Variants in DPP6 observed in about 807,000 individuals in gnomAD.
DPP6 encodes dipeptidyl peptidase like 6, also known as A-type potassium channel modulatory protein DPP6.
A neutral mutation model predicts 122.6 loss-of-function variants in DPP6; 69 were observed. The ratio of observed to expected loss-of-function variants is 0.56; its 90% CI spans 0.46 to 0.69. The LOEUF is 0.69. Among genes scored for constraint, DPP6 ranks in the 30% least tolerant of loss-of-function variants. DPP6 has a pLI of 0.00. For missense variants in DPP6, 928 were observed against 1,116.9 expected (o/e 0.83, Z 2.41); for synonymous variants, 418 against 433.1 (o/e 0.97, Z 0.43).
chr7:153,964,779 CTCCTTTCCTT>C (rs200745389), intron 1 of DPP6, among the ~76,000 whole-genome samples: 16,706 of 114,248 alleles, frequency 0.15, 1,940 homozygotes, highest in Middle Eastern at 0.29. Flanking sequence ...TTCTCCGTGG[CTCCTTTCCTT>C]TCCTTTCCTT....
intron 1 of DPP6, among the ~76,000 whole-genome samples, chr7:153,925,718 C>A (rs1171864395): frequency 1.3e-5 from 2 of 151,970 alleles, no homozygotes; most frequent in African/African-American, 4.8e-5. Flanking sequence ...AGAGGGTCCC[C>A]AAGGTTTGGA....
intron 1 of DPP6, among the ~76,000 whole-genome samples, chr7:154,029,153 G>C (rs1214183042): frequency 6.7e-6 from 1 of 149,004 alleles, no homozygotes; most frequent in African/African-American, 2.5e-5. Context: ...ATTTAAATGA[G>C]AGACATGACC....
In DPP6 at chr7:153,912,976, C is replaced by T. The variant is rs530761644; in HGVS notation, c.51+25242C>T. On this transcript the variant is annotated intron_variant, in intron 1 of 25. Transcript: ENST00000404039. ...TTTTGAACATGGTGTCTATTGAAAA[C>T]CCTATTATGTTAGCTGGTAACCAAC... Among the ~76,000 whole-genome samples the T allele has an allele frequency of 3.1e-4, 47 of 152,258 alleles. No homozygotes were observed. In the Middle Eastern group the frequency reaches 0.01, roughly 33 times the overall value.
intron 3 of DPP6, among the ~76,000 whole-genome samples, chr7:154,533,569 T>G (rs2130148783): frequency 6.6e-6 from 1 of 152,232 alleles, no homozygotes; most frequent in South Asian, 2.1e-4. Flanking sequence ...AATGGAACAC[T>G]TCCCAACTTA....
chr7:154,432,399 A>T (rs1818500160), intron 1 of DPP6, among the ~76,000 whole-genome samples: 1 of 152,204 alleles, frequency 6.6e-6, no homozygotes, highest in Admixed American at 6.5e-5. Flanking sequence ...TTATGGCCCT[A>T]AGTACCCTGA....
At chr7:154,004,884 C>T (rs1165072978) in intron 1 of DPP6, among the ~76,000 whole-genome samples, 1 of 152,144 alleles carries the variant, frequency 6.6e-6, no homozygotes, top group Non-Finnish European at 1.5e-5. Flanking sequence ...TAATAAGGTT[C>T]ATTTCTCCTA....
chr7:154,748,576 C>G (rs536812473), intron 8 of DPP6, among the ~76,000 whole-genome samples: 1 of 152,352 alleles, frequency 6.6e-6, no homozygotes, highest in South Asian at 2.1e-4. Context: ...CCTGCGAGCC[C>G]TGCGGGGCGG....
At chr7:154,547,558 G>A (rs1829297134) in intron 4 of DPP6, among the ~76,000 whole-genome samples, 1 of 152,180 alleles carries the variant, frequency 6.6e-6, no homozygotes, top group African/African-American at 2.4e-5. Flanking sequence ...TGGTCTCTGA[G>A]TTTGAAACCC....
At chr7:154,837,147 GCA>G (rs1012979597) in intron 16 of DPP6, among the ~76,000 whole-genome samples, 2 of 151,172 alleles carry the variant, frequency 1.3e-5, no homozygotes, top group East Asian at 3.9e-4. Flanking sequence ...ACACATGCAT[GCA>G]CACACATGCA....
At position 154,224,571 on chromosome 7, in the gene DPP6, A is replaced by G. The variant is rs1214082730; in HGVS notation, c.243+171508A>G. 1.3e-5 allele frequency among the ~76,000 whole-genome samples: 2 copies of G among 149,208 alleles called. 1 individual carries two copies. Among genetic ancestry groups the G allele is most frequent in the African/African-American group, 5.1e-5 (2 of 39,156 alleles). ...CATGACCTTAAATGAAGACTTAACT[A>G]TATTCTAAAGTTTGCTGTGTACATT... On this transcript the variant is annotated intron_variant, in intron 1 of 25. Coordinates refer to ENST00000377770, the MANE Select transcript of DPP6 (RefSeq NM_130797.4).
intron 3 of DPP6, among the ~76,000 whole-genome samples, chr7:154,515,001 C>T (rs1826373490): frequency 6.6e-6 from 1 of 152,084 alleles, no homozygotes; most frequent in Admixed American, 6.6e-5. Flanking sequence ...AGAAACCATC[C>T]CAAATAGTGG....
chr7:154,628,231 C>G (rs1835204512), intron 5 of DPP6, among the ~76,000 whole-genome samples: 1 of 152,212 alleles, frequency 6.6e-6, no homozygotes, highest in African/African-American at 2.4e-5. Flanking sequence ...TACCAAAAGA[C>G]AGTTTCATGG....
chr7:154,859,338 G>C (rs570794978), intron 17 of DPP6, among the ~76,000 whole-genome samples: 5 of 152,236 alleles, frequency 3.3e-5, no homozygotes, highest in Admixed American at 6.5e-5. Flanking sequence ...AGGAGGCCTC[G>C]GGGAGCCGGC....
intron 1 of DPP6, among the ~76,000 whole-genome samples, chr7:154,029,931 C>T (rs1166083880): frequency 1.3e-5 from 2 of 152,092 alleles, no homozygotes; most frequent in Non-Finnish European, 1.5e-5. Context: ...CACGGTGGCT[C>T]ACGCCTGTAA....
At chr7:154,060,254 G>C in intron 1 of DPP6, among the ~76,000 whole-genome samples, 1 of 131,054 alleles carries the variant, frequency 7.6e-6, no homozygotes. Flanking sequence ...GCTGGGGGCG[G>C]AGGCACCCCC....
chr7:154,476,881 C>T (rs1822786828), intron 3 of DPP6, among the ~76,000 whole-genome samples: 1 of 152,084 alleles, frequency 6.6e-6, no homozygotes. Context: ...CGCTTGAATC[C>T]AGGAATTTGA....
chr7:154,668,069 T>C (rs888534063), intron 6 of DPP6, among the ~76,000 whole-genome samples: 3 of 150,224 alleles, frequency 2.0e-5, no homozygotes, highest in Non-Finnish European at 3.0e-5. Flanking sequence ...CCCCTTCACC[T>C]TCCTTCCCTT....
Position 154,607,159 on chromosome 7 carries a change from T to C in DPP6, c.628-30662T>C, listed in dbSNP as rs1429321617. On this transcript the variant is annotated intron_variant, in intron 5 of 25. Transcript: ENST00000377770. ...GTGATCTCTCACGTATTTTTCCTCA[T>C]GGGTAGTGCAATACAGTAAACCTTA... Among the ~76,000 whole-genome samples the C allele has an allele frequency of 1.9e-4, 23 of 120,802 alleles. 4 individuals are homozygous for C. Among genetic ancestry groups the C allele is most frequent in the African/African-American group, 5.3e-4 (20 of 37,892 alleles). 79.3% of individuals were successfully genotyped at this position (120,802 alleles called of 152,430 possible).
At chr7:154,082,842 T>TTTTCTTTC (rs758809712) in intron 1 of DPP6, among the ~76,000 whole-genome samples, 75 of 108,240 alleles carry the variant, frequency 6.9e-4, no homozygotes, top group South Asian at 2.6e-3. Context: ...TATCTTTTCT[T>TTTTCTTTC]TTTCTTTTTT....
Sources: allele counts gnomAD v4.1 joint callset (sites outside exome capture counted in the v4.1 genomes callset), GRCh38; gene constraint gnomAD v4.1.1; transcripts MANE v1.5; gene names NCBI Gene and HGNC (gene_info 2026-07-23, HGNC 2026-07-21).